SERINC5: variants seen among roughly 807,000 people sequenced by gnomAD.
SERINC5 encodes the protein serine incorporator 5.
A neutral mutation model predicts 63.1 loss-of-function variants in SERINC5; 41 were observed. That is an observed-to-expected ratio of 0.65 (90% CI 0.51 to 0.84). SERINC5 has a LOEUF of 0.84. SERINC5 is among the 40% of genes least tolerant of loss of function. The pLI is 0.00. For synonymous variants in SERINC5, 222 were observed against 215.2 expected (o/e 1.03, Z -0.28); for missense variants, 523 against 573.0 (o/e 0.91, Z 0.89).
rs774875826 is a variant in SERINC5, at chr5:80,166,472, G to A, written c.770C>T (p.Pro257Leu). ...AISPWVQNRQ[P>L]HSGLLQSGVI... is the part of the protein sequence containing the mutation. ...CCCTGATTGTAAGAGCCCCGAGTGT[G>A]GCTGTCCTGAAAAGTGACAAGAGAC... The change falls in exon 7 of 12, where the codon CCA (proline) becomes CTA (leucine). Residue 257 changes from proline to leucine, a missense_variant. Coordinates refer to ENST00000507668, the MANE Select transcript of SERINC5 (RefSeq NM_001174072.3). 1.3e-6 allele frequency: 2 copies of A among 1,583,732 alleles called. No homozygotes were observed. Among genetic ancestry groups the A allele is most frequent in the Non-Finnish European group, 1.7e-6 (2 of 1,164,338 alleles).
At chr5:80,182,914 A>G (rs573756622) in intron 2 of SERINC5, among the ~76,000 whole-genome samples, 1 of 152,234 alleles carries the variant, frequency 6.6e-6, no homozygotes, top group South Asian at 2.1e-4. Context: ...TTGCTTCCAG[A>G]GAAAGAACCT....
downstream of SERINC5, among the ~76,000 whole-genome samples, chr5:80,136,218 G>C (rs141936401): frequency 2.3e-4 from 35 of 152,206 alleles, 1 homozygote; most frequent in African/African-American, 8.4e-4. Flanking sequence ...AGGAGTTGGA[G>C]GCTGCAGTGA....
chr5:80,249,353 ACTAT>A (rs944539971), intron 1 of SERINC5, among the ~76,000 whole-genome samples: 1 of 152,034 alleles, frequency 6.6e-6, no homozygotes, highest in Non-Finnish European at 1.5e-5. Flanking sequence ...AAGGTAGAAG[ACTAT>A]CTACATATGA....
chr5:80,156,034 G>A (rs1306942539), intron 8 of SERINC5, among the ~76,000 whole-genome samples: 1 of 152,046 alleles, frequency 6.6e-6, no homozygotes, highest in Non-Finnish European at 1.5e-5. Flanking sequence ...TTGGGGGTGG[G>A]GCTTGGGGGC....
At chr5:80,249,708 A>C (rs1752318850) in intron 1 of SERINC5, among the ~76,000 whole-genome samples, 1 of 151,530 alleles carries the variant, frequency 6.6e-6, no homozygotes, top group Non-Finnish European at 1.5e-5. Context: ...AGACTGAGGC[A>C]GGAGAACTGC....
chr5:80,239,284 CAA>C (rs1010774510), intron 1 of SERINC5, among the ~76,000 whole-genome samples: 1 of 152,148 alleles, frequency 6.6e-6, no homozygotes, highest in African/African-American at 2.4e-5. Flanking sequence ...GGCTGCCAAC[CAA>C]AGACTTCCCA....
intron 2 of SERINC5, among the ~76,000 whole-genome samples, chr5:80,181,116 G>T (rs1480031625): frequency 6.6e-6 from 1 of 152,188 alleles, no homozygotes; most frequent in Non-Finnish European, 1.5e-5. Context: ...GGGCAGGGGG[G>T]CAAGGTGCGA....
At position 80,143,584 on chromosome 5, in the gene SERINC5, C is replaced by T. The variant is rs1441925071; in HGVS notation, c.*79G>A. ...ACCCACTCAGGCACAGGGCGCCAGT[C>T]CCTGCCCCGGGGACACTGTTCAAAA... On this transcript the variant is annotated 3_prime_UTR_variant, in exon 12 of 12. Transcript: ENST00000507668. 2.7e-6 allele frequency: 4 copies of T among 1,471,442 alleles called. No homozygotes were observed. The highest frequency in any genetic ancestry group is 5.1e-5 in the East Asian group (2 of 39,296). The allele number at this position is 1,471,442 out of a possible 1,614,324, so 91.1% of individuals were successfully genotyped here.
At chr5:80,255,162 A>C (rs1300074473) in intron 1 of SERINC5, 1 of 152,268 alleles carries the variant, frequency 6.6e-6, no homozygotes, top group African/African-American at 2.4e-5. Flanking sequence ...ACACTGATGC[A>C]GTAACTGGTA....
intron 2 of SERINC5, among the ~76,000 whole-genome samples, chr5:80,182,175 G>A (rs142351984): frequency 2.5e-4 from 38 of 152,284 alleles, no homozygotes; most frequent in African/African-American, 7.9e-4. Context: ...GGTGGCTTTT[G>A]TAACTGAAAT....
At chr5:80,181,646 A>AT (rs1561401916) in intron 2 of SERINC5, among the ~76,000 whole-genome samples, 1 of 147,694 alleles carries the variant, frequency 6.8e-6, no homozygotes, top group African/African-American at 2.4e-5. Context: ...AAAACTGTAC[A>AT]TTTTTTATGA....
At position 80,177,247 on chromosome 5, in the gene SERINC5, G is replaced by A. The variant is rs909690380; in HGVS notation, c.457+68C>T. ...AACTATCAGAGGTACTTTGGACTGC[G>A]CTTCTGAGCAATTTGACAAAATGGG... On this transcript the variant is annotated intron_variant, in intron 4 of 11. Transcript: ENST00000507668. 196 of 1,101,000 alleles carry A rather than the reference G, an allele frequency of 1.8e-4. 1 individual carries two copies. Among genetic ancestry groups the A allele is most frequent in the Non-Finnish European group, 2.5e-4 (180 of 733,094 alleles). The allele number at this position is 1,101,000 out of a possible 1,614,324, so 68.2% of individuals were successfully genotyped here.
intron 1 of SERINC5, among the ~76,000 whole-genome samples, chr5:80,240,498 G>C (rs1355596026): frequency 1.3e-5 from 2 of 152,050 alleles, no homozygotes; most frequent in Non-Finnish European, 2.9e-5. Flanking sequence ...TTTTCCCCGT[G>C]AGACCTGTGG....
chr5:80,202,541 C>T (rs1049482028), intron 2 of SERINC5, among the ~76,000 whole-genome samples: 8 of 152,044 alleles, frequency 5.3e-5, no homozygotes, highest in African/African-American at 1.9e-4. Context: ...ACCGAAGGCC[C>T]TGACTTCACC....
At chr5:80,219,340 A>G (rs914914024) in intron 1 of SERINC5, among the ~76,000 whole-genome samples, 1 of 152,160 alleles carries the variant, frequency 6.6e-6, no homozygotes, top group Non-Finnish European at 1.5e-5. Flanking sequence ...CTGAGAAAAC[A>G]CTTTTTCTCA....
intron 1 of SERINC5, among the ~76,000 whole-genome samples, chr5:80,242,086 G>A (rs575267496): frequency 6.6e-6 from 1 of 151,936 alleles, no homozygotes; most frequent in Non-Finnish European, 1.5e-5. Context: ...AGCTGTGAAC[G>A]TATCACTGCA....
chr5:80,202,885 C>T lies in SERINC5; in HGVS notation c.195+1G>A, dbSNP rs1311239606. 2.5e-6 allele frequency: 4 copies of T among 1,606,926 alleles called. No individual in the cohort carries two copies. The highest frequency in any genetic ancestry group is 3.4e-6 in the Non-Finnish European group (4 of 1,174,646). On this transcript the variant is annotated splice_donor_variant, in intron 2 of 11. Transcript: ENST00000507668. LOFTEE classifies it high-confidence loss of function. ...GACGAGCTGAACACGGACAAACTTA[C>T]GTGCTCTTTCATCTTGTGAGCCACG...
chr5:80,136,807 A>G (rs1253756089), downstream of SERINC5, among the ~76,000 whole-genome samples: 1 of 152,216 alleles, frequency 6.6e-6, no homozygotes, highest in Non-Finnish European at 1.5e-5. Flanking sequence ...GTATTTCTCA[A>G]AAGACATACA....
intron 1 of SERINC5, among the ~76,000 whole-genome samples, chr5:80,205,340 C>T (rs991712904): frequency 1.3e-5 from 2 of 152,174 alleles, no homozygotes; most frequent in Non-Finnish European, 2.9e-5. Flanking sequence ...GATAACACCT[C>T]GGACAACATG....
Sources: allele counts gnomAD v4.1 joint callset (sites outside exome capture counted in the v4.1 genomes callset), GRCh38; gene constraint gnomAD v4.1.1; transcripts MANE v1.5; gene names NCBI Gene and HGNC (gene_info 2026-07-23, HGNC 2026-07-21).